Variants in LTF observed in about 807,000 individuals in gnomAD.
LTF encodes lactotransferrin.
In LTF, 91 loss-of-function variants were observed where a neutral mutation model predicts 87.2. The observed-to-expected ratio is 1.04, with a 90% CI of 0.88 to 1.24. The LOEUF (loss-of-function observed/expected upper bound fraction) is 1.24. Among genes scored for constraint, LTF ranks in the 50% most tolerant of loss-of-function variants. LTF has a pLI of 0.00. For synonymous variants in LTF, 378 were observed against 356.1 expected (o/e 1.06, Z -0.69); for missense variants, 901 against 904.3 (o/e 1.00, Z 0.05).
intron 3 of LTF, 41 bp downstream of exon 3, chr3:46,456,249 C>T: frequency 1.3e-6 from 2 of 1,537,650 alleles, no homozygotes; most frequent in Non-Finnish European, 1.8e-6. Flanking sequence ...AGGGCACAGG[C>T]TGAGGCCACC....
chr3:46,468,247 C>T, upstream of LTF: 1 of 456,764 alleles, frequency 2.2e-6, no homozygotes, highest in Non-Finnish European at 4.4e-6. Context: ...GACTCATTAA[C>T]TTACCCATTC....
chr3:46,461,654 G>A (rs1028593706), intron 1 of LTF, among the ~76,000 whole-genome samples: 1 of 152,152 alleles, frequency 6.6e-6, no homozygotes, highest in Non-Finnish European at 1.5e-5. Flanking sequence ...ACTATAAACA[G>A]GCATGAGGGA....
chr3:46,450,015 T>C lies in LTF; in HGVS notation c.896A>G (p.Lys299Arg). Residue 299 changes from lysine (K) to arginine (R), a missense_variant, in exon 8 of 17, where the codon AAG becomes AGG. Physicochemically the swap from Lys to Arg is conservative, Grantham distance 26. Transcript: ENST00000231751. ...LLRQAQEKFG[K>R]DKSPKFQLFG... ...GAGCTGGAATTTCGGTGACTTGTCC[T>C]TTCCAAACTTTTCCTAATTAAGAAA... 6.3e-7 allele frequency: 1 copy of C among 1,584,982 alleles called. No homozygotes were observed. Among genetic ancestry groups the C allele is most frequent in the Non-Finnish European group, 8.6e-7 (1 of 1,168,380 alleles).
At chr3:46,484,215 A>T (rs1703487731) in intron 1 of LTF, among the ~76,000 whole-genome samples, 1 of 152,226 alleles carries the variant, frequency 6.6e-6, no homozygotes, top group Non-Finnish European at 1.5e-5. Flanking sequence ...TGATTACCCA[A>T]GTCATAGTGG....
At chr3:46,482,615 A>G (rs1328718972) in intron 1 of LTF, among the ~76,000 whole-genome samples, 1 of 38,972 alleles carries the variant, frequency 2.6e-5, no homozygotes, top group African/African-American at 8.7e-5. Context: ...GAAAGAAGAA[A>G]GAAAGAAAGA....
Position 46,455,899 on chromosome 3 carries a change from C to T in LTF, c.396G>A (p.Lys132=), listed in dbSNP as rs1473000853. The stretch of plus-strand genomic sequence containing the variant: ...TCCTGCGAAGGCCTGTGTGGCAGGA[C>T]TTCAGACCTTGCAGTTCGTTCAGCT... The part of the protein sequence containing the change: ...SFQLNELQGL[K]SCHTGLRRTA... The change falls in exon 4 of 17, where the codon AAG becomes AAA. Residue 132 remains lysine, a synonymous_variant. Coordinates refer to ENST00000231751, the MANE Select transcript of LTF (RefSeq NM_002343.6). The T allele has an allele frequency of 6.2e-7, 1 of 1,613,832 alleles. No homozygotes were observed. Among genetic ancestry groups the T allele is most frequent in the Non-Finnish European group, 8.5e-7 (1 of 1,179,878 alleles).
Position 46,455,409 on chromosome 3 carries a change from G to A in LTF, c.533C>T (p.Pro178Leu), listed in dbSNP as rs1702903672. ...VARFFSASCV[P>L]GADKGQFPNL... Reference sequence around the variant, plus strand: ...GGGGAACTGTCCTTTATCTGCACCGGGAACACAGCTGGCTGAGAAGAACCT... The same window carrying A: ...GGGGAACTGTCCTTTATCTGCACCGAGAACACAGCTGGCTGAGAAGAACCT... The change falls in exon 5 of 17, where the codon CCC (proline) becomes CTC (leucine). Residue 178 changes from proline (P) to leucine (L), a missense_variant. Physicochemically the swap from Pro to Leu is moderately conservative, Grantham distance 98. Coordinates refer to ENST00000231751, the MANE Select transcript of LTF (RefSeq NM_002343.6). 1 of 1,614,220 alleles carries A rather than the reference G, an allele frequency of 6.2e-7. No homozygotes were observed. Among genetic ancestry groups the A allele is most frequent in the African/African-American group, 1.3e-5 (1 of 75,060 alleles).
exon 2 of LTF, chr3:46,470,377 T>A (rs1703267325): frequency 6.6e-6 from 1 of 152,392 alleles, no homozygotes; most frequent in South Asian, 2.1e-4. Context: ...TGCTGGCCCA[T>A]GGTGCTGCCC....
Position 46,436,235 on chromosome 3 carries a change from G to T in LTF, c.2099-6C>A. On this transcript the variant is annotated splice_region_variant and splice_polypyrimidine_tract_variant and intron_variant, in intron 16 of 16. Coordinates refer to ENST00000231751, the MANE Select transcript of LTF (RefSeq NM_002343.6). ...TTCACAGGCTTCCAGGAGGGCTGTG[G>T]GACACAACAGAGCAAGAGATTCAGA... 1 of 1,613,408 alleles carries T rather than the reference G, an allele frequency of 6.2e-7. No individual in the cohort carries two copies. Among genetic ancestry groups the T allele is most frequent in the Non-Finnish European group, 8.5e-7 (1 of 1,179,354 alleles).
At chr3:46,475,108 C>A (rs544217499) in intron 1 of LTF, among the ~76,000 whole-genome samples, 1 of 152,150 alleles carries the variant, frequency 6.6e-6, no homozygotes, top group Non-Finnish European at 1.5e-5. Context: ...GCTATCACAA[C>A]AGATCCTAAA....
intron 14 of LTF, among the ~76,000 whole-genome samples, chr3:46,440,008 T>C (rs1477747690): frequency 3.3e-5 from 5 of 152,210 alleles, no homozygotes; most frequent in Non-Finnish European, 7.3e-5. Flanking sequence ...TGGTTGCCAA[T>C]GCTGAAGAAG....
At chr3:46,479,249 C>G (rs776127247) in intron 1 of LTF, among the ~76,000 whole-genome samples, 1 of 152,206 alleles carries the variant, frequency 6.6e-6, no homozygotes, top group Non-Finnish European at 1.5e-5. Flanking sequence ...AACCCCATAG[C>G]CCCCTCTCTC....
intron 1 of LTF, among the ~76,000 whole-genome samples, chr3:46,479,965 G>A (rs540637276): frequency 2.0e-5 from 3 of 152,308 alleles, no homozygotes; most frequent in South Asian, 2.1e-4. Flanking sequence ...GGTGGATGAT[G>A]GCACCAAGGT....
intron 6 of LTF, 160 bp downstream of exon 6, chr3:46,454,145 T>C: frequency 1.4e-6 from 1 of 708,220 alleles, no homozygotes; most frequent in South Asian, 1.7e-5. Context: ...AGAAAACTGA[T>C]CATTTAAAAT....
intron 9 of LTF, among the ~76,000 whole-genome samples, chr3:46,448,458 G>A (rs112216039): frequency 3.9e-5 from 6 of 152,074 alleles, no homozygotes; most frequent in African/African-American, 9.7e-5. Context: ...GCTTAAAAAC[G>A]ACATACTGCA....
upstream of LTF, chr3:46,468,419 C>T: frequency 2.3e-6 from 1 of 434,356 alleles, no homozygotes; most frequent in South Asian, 1.7e-5. Flanking sequence ...CATGCAGTGG[C>T]AAGAGCTAGT....
At chr3:46,449,107 C>G in intron 8 of LTF, 90 bp from the exon 9 acceptor site, 1 of 1,253,304 alleles carries the variant, frequency 8.0e-7, no homozygotes, top group Non-Finnish European at 1.1e-6. Context: ...CCCAGACTCT[C>G]CCTGGAACAG....
chr3:46,482,783 GAAAGAAAGAAA>G (rs1703467164), intron 1 of LTF, among the ~76,000 whole-genome samples: 3 of 120,234 alleles, frequency 2.5e-5, no homozygotes, highest in African/African-American at 8.4e-5. Flanking sequence ...GAAAGAAAAA[GAAAGAAAGAAA>G]GAAGGAAGGA....
At position 46,439,477 on chromosome 3, in the gene LTF, T is replaced by C. The variant is rs1325648736; in HGVS notation, c.1727A>G (p.Asn576Ser). Reference sequence around the variant, plus strand: ...ATCCTTAGCCCATGCCTCATTGTTATTTCCTGGGGAGAAAAAGAAGGTGGC... The same window carrying C: ...ATCCTTAGCCCATGCCTCATTGTTACTTCCTGGGGAGAAAAAGAAGGTGGC... ...DVTVLQNTDG[N>S]NNEAWAKDLK... The change falls in exon 15 of 17, where the codon AAT becomes AGT. Residue 576 changes from asparagine to serine, a missense_variant. Physicochemically the swap from Asn to Ser is conservative, Grantham distance 46 (BLOSUM62 1). Coordinates refer to ENST00000231751, the MANE Select transcript of LTF (RefSeq NM_002343.6). The C allele has an allele frequency of 5.6e-6, 9 of 1,598,930 alleles. No individual in the cohort carries two copies. The highest frequency in any genetic ancestry group is 6.0e-6 in the Non-Finnish European group (7 of 1,171,024).
Sources: allele counts gnomAD v4.1 joint callset (sites outside exome capture counted in the v4.1 genomes callset), GRCh38; gene constraint gnomAD v4.1.1; transcripts MANE v1.5; gene names NCBI Gene and HGNC (gene_info 2026-07-23, HGNC 2026-07-21).